Variants in SMTNL2 observed in about 807,000 individuals in gnomAD.
The protein encoded by SMTNL2 is smoothelin like 2, also known as smoothelin-like protein 2.
Under a neutral mutation model 44.1 loss-of-function variants are expected in SMTNL2, and 43 were observed. That is an observed-to-expected ratio of 0.98 (90% CI 0.76 to 1.26). The LOEUF (loss-of-function observed/expected upper bound fraction) is 1.26. SMTNL2 is among the 50% of genes most tolerant of loss of function. SMTNL2 has a pLI of 0.00. For missense variants in SMTNL2, 646 were observed against 670.2 expected (o/e 0.96, Z 0.40); for synonymous variants, 317 against 287.6 (o/e 1.10, Z -1.03).
At chr17:4,594,041 A>C in intron 4 of SMTNL2, 144 bp downstream of exon 4, 1 of 769,208 alleles carries the variant, frequency 1.3e-6, no homozygotes, top group Non-Finnish European at 2.1e-6. Context: ...GGGCGGCAGG[A>C]TGGGGGGAAG....
Position 4,596,976 on chromosome 17 carries a change from A to T in SMTNL2, c.1106A>T (p.Gln369Leu). The change falls in exon 6 of 8, where the codon CAG becomes CTG. Residue 369 changes from glutamine to leucine, a missense_variant and splice_region_variant. Gln to Leu is a moderately radical substitution (Grantham distance 113). Transcript: ENST00000389313. ...TGCCGCAGCAAGACGCTGGGCTACC[A>T]GGTGAGCCCCGGCTCCCCTCCGGCT... ...EWCRSKTLGYQHVDLQNFSSS... is the reference protein window; with the variant it reads ...EWCRSKTLGYLHVDLQNFSSS... 2 of 1,503,926 alleles carry T rather than the reference A, an allele frequency of 1.3e-6. No individual in the cohort carries two copies. Among genetic ancestry groups the T allele is most frequent in the Middle Eastern group, 1.9e-4 (1 of 5,280 alleles). The allele number at this position is 1,503,926 out of a possible 1,614,324, so 93.2% of individuals were successfully genotyped here.
At chr17:4,601,731 G>C (rs12452630) in intron 7 of SMTNL2, among the ~76,000 whole-genome samples, 26,245 of 151,358 alleles carry the variant, frequency 0.17, 3,187 homozygotes, top group East Asian at 0.6. Flanking sequence ...TGTTGGCCAG[G>C]CTGGTCTCAA....
rs1362911595 is a variant in SMTNL2, at chr17:4,598,120, G to C, written c.1259+797G>C. ...TGTGGCGGATCTCAGCCCGTGGCCT[G>C]GGTGCGGAGGACTGTCTGATAAGAG... On this transcript the variant is annotated intron_variant, in intron 7 of 7. Transcript: ENST00000389313. The surrounding 1 kb of genome is among the most constrained non-coding windows in gnomAD (Gnocchi z 4.8). 6.6e-6 allele frequency among the ~76,000 whole-genome samples: 1 copy of C among 152,264 alleles called. No homozygotes were observed.
chr17:4,596,896 G>A lies in SMTNL2; in HGVS notation c.1026G>A (p.Ser342=), dbSNP rs35628085. Residue 342 remains serine, a synonymous_variant, in exon 6 of 8, where the codon TCG becomes TCA. Coordinates refer to ENST00000389313, the MANE Select transcript of SMTNL2 (RefSeq NM_001114974.2). ...KGEARARLKR[S]QSFGVASASS... is the part of the protein sequence containing the mutation. ...AGGCCCGGGCCAGGCTGAAGCGGTC[G>A]CAGAGCTTCGGCGTGGCCAGCGCCA... 3.1e-4 allele frequency: 468 copies of A among 1,515,958 alleles called. 2 individuals carry two copies. The highest frequency in any genetic ancestry group is 3.1e-3 in the African/African-American group (222 of 72,380). The allele number at this position is 1,515,958 out of a possible 1,614,324, so 93.9% of individuals were successfully genotyped here.
Position 4,600,892 on chromosome 17 carries a change from G to A in SMTNL2, c.1259+3569G>A, listed in dbSNP as rs1199378352. The stretch of plus-strand genomic sequence containing the variant: ...CTATTTGTAGTGCCCATGTGTCTCT[G>A]TCTAAAACCAGATAGGAGGCAGTAG... On this transcript the variant is annotated intron_variant, in intron 7 of 7. Transcript: ENST00000389313. This position sits in a 1 kb window ranked among gnomAD's most constrained non-coding sequence, Gnocchi z 4.7. Among the ~76,000 whole-genome samples the A allele has an allele frequency of 6.6e-6, 1 of 152,180 alleles. No individual in the cohort carries two copies. Among genetic ancestry groups the A allele is most frequent in the Non-Finnish European group, 1.5e-5 (1 of 68,034 alleles).
intron 1 of SMTNL2, among the ~76,000 whole-genome samples, chr17:4,591,941 C>T (rs1909589314): frequency 6.6e-6 from 1 of 152,250 alleles, no homozygotes; most frequent in African/African-American, 2.4e-5. Context: ...CCCAGAAGGA[C>T]CTGGTGCCAC....
chr17:4,589,731 C>G (rs550109162), intron 1 of SMTNL2, among the ~76,000 whole-genome samples: 3 of 152,168 alleles, frequency 2.0e-5, no homozygotes, highest in East Asian at 1.9e-4. Context: ...ACCCTTTCCC[C>G]TGGCTTCGCT....
chr17:4,607,481 CGAGTAAAGCCCCT>C lies in SMTNL2; in HGVS notation c.1384_*10del. ...CGCTGTACAACCACCTGCGTCGCTTCGAGTAAAGCCCCTGAGCCTGGATTGCCAAAGAGCAGCC... is the reference window on the plus strand; with the variant it reads ...CGCTGTACAACCACCTGCGTCGCTTCGAGCCTGGATTGCCAAAGAGCAGCC... On this transcript the variant is annotated stop_lost and 3_prime_UTR_variant, in exon 8 of 8. Transcript: ENST00000389313. The surrounding 1 kb of genome is among the most constrained non-coding windows in gnomAD (Gnocchi z 4.7). The C allele has an allele frequency of 1.2e-6, 2 of 1,614,058 alleles. No homozygotes were observed. Among genetic ancestry groups the C allele is most frequent in the Non-Finnish European group, 1.7e-6 (2 of 1,179,942 alleles).
chr17:4,603,641 C>A (rs1427162749), intron 7 of SMTNL2, among the ~76,000 whole-genome samples: 2 of 151,988 alleles, frequency 1.3e-5, no homozygotes, highest in Non-Finnish European at 1.5e-5. Flanking sequence ...CATGTGGCAC[C>A]ACTGAGGCCA....
At chr17:4,586,146 T>C (rs1466941200) in intron 1 of SMTNL2, among the ~76,000 whole-genome samples, 4 of 152,172 alleles carry the variant, frequency 2.6e-5, no homozygotes, top group African/African-American at 9.7e-5. Flanking sequence ...CCTCGAGGTA[T>C]GCGAGTGGAG....
intron 7 of SMTNL2, among the ~76,000 whole-genome samples, chr17:4,603,683 T>C (rs1910135628): frequency 6.6e-6 from 1 of 152,206 alleles, no homozygotes; most frequent in South Asian, 2.1e-4. Context: ...AGAGCATGTG[T>C]GGAGCCTGTT....
chr17:4,607,322 G>A lies in SMTNL2; in HGVS notation c.1260-39G>A, dbSNP rs1750956559. On this transcript the variant is annotated intron_variant, in intron 7 of 7. Coordinates refer to ENST00000389313, the MANE Select transcript of SMTNL2 (RefSeq NM_001114974.2). This position sits in a 1 kb window ranked among gnomAD's most constrained non-coding sequence, Gnocchi z 4.7. The stretch of plus-strand genomic sequence containing the variant: ...TGTCGCGGCTGTGGGGCTGGCTGAT[G>A]GCTGGGACCACCGTTCTGACGGGGC... 1 of 1,611,006 alleles carries A rather than the reference G, an allele frequency of 6.2e-7. No individual in the cohort carries two copies. Among genetic ancestry groups the A allele is most frequent in the Non-Finnish European group, 8.5e-7 (1 of 1,177,802 alleles).
intron 1 of SMTNL2, among the ~76,000 whole-genome samples, chr17:4,590,625 G>C (rs1219632264): frequency 6.6e-6 from 1 of 152,114 alleles, no homozygotes; most frequent in Non-Finnish European, 1.5e-5. Context: ...CACCAAGTCT[G>C]GGCTTGGGAG....
At position 4,597,281 on chromosome 17, in the gene SMTNL2, C is replaced by G; in HGVS notation, c.1217C>G (p.Thr406Arg). The change falls in exon 7 of 8, where the codon ACG becomes AGG. Residue 406 changes from threonine to arginine, a missense_variant. Transcript: ENST00000389313. Reference sequence around the variant, plus strand: ...TTTGACTACAACTCCCTGAGCCCCACGCAGAGGCAGAAGAACTTCGAGCTG... The same window carrying G: ...TTTGACTACAACTCCCTGAGCCCCAGGCAGAGGCAGAAGAACTTCGAGCTG... ...DAFDYNSLSP[T>R]QRQKNFELAF... 1 of 1,614,162 alleles carries G rather than the reference C, an allele frequency of 6.2e-7. No individual in the cohort carries two copies. Among genetic ancestry groups the G allele is most frequent in the Non-Finnish European group, 8.5e-7 (1 of 1,179,990 alleles).
In SMTNL2 at chr17:4,584,807, C is replaced by CAGCGGCTGCAGGCGCAGCTCG; in HGVS notation, c.207_227dup (p.Gln71_Leu77dup). On this transcript the variant is annotated inframe_insertion, in exon 1 of 8. Coordinates refer to ENST00000389313, the MANE Select transcript of SMTNL2 (RefSeq NM_001114974.2). ...GGTGGCCGACCTGCAGCGGGACAACCAGCGGCTGCAGGCGCAGCTCGAGCG... is the reference window on the plus strand; with the variant it reads ...GGTGGCCGACCTGCAGCGGGACAACCAGCGGCTGCAGGCGCAGCTCGAGCGGCTGCAGGCGCAGCTCGAGCG... 7.5e-7 allele frequency: 1 copy of CAGCGGCTGCAGGCGCAGCTCG among 1,325,914 alleles called. No homozygotes were observed. Among genetic ancestry groups the CAGCGGCTGCAGGCGCAGCTCG allele is most frequent in the Admixed American group, 3.8e-5 (1 of 26,224 alleles). 82.1% of individuals were successfully genotyped at this position (1,325,914 alleles called of 1,614,324 possible). A position where few individuals can be genotyped will look rare whatever the true frequency, so the allele number is the denominator to read the frequency against.
Position 4,584,820 on chromosome 17 carries a change from C to G in SMTNL2, c.215C>G (p.Ala72Gly). The G allele has an allele frequency of 7.5e-7, 1 of 1,327,096 alleles. No individual in the cohort carries two copies. The highest frequency in any genetic ancestry group is 1.9e-5 in the South Asian group (1 of 53,132). 82.2% of individuals were successfully genotyped at this position (1,327,096 alleles called of 1,614,324 possible). ...DLQRDNQRLQAQLERLTRQVE... is the reference protein window; with the variant it reads ...DLQRDNQRLQGQLERLTRQVE... Reference sequence around the variant, plus strand: ...CAGCGGGACAACCAGCGGCTGCAGGCGCAGCTCGAGCGCCTGACGCGCCAG... The same window carrying G: ...CAGCGGGACAACCAGCGGCTGCAGGGGCAGCTCGAGCGCCTGACGCGCCAG... The change falls in exon 1 of 8, where the codon GCG becomes GGG. Residue 72 changes from alanine to glycine, a missense_variant. By Grantham distance (60) the Ala-to-Gly change is moderately conservative. Transcript: ENST00000389313.
chr17:4,604,076 C>T (rs1910161737), intron 7 of SMTNL2, among the ~76,000 whole-genome samples: 1 of 152,186 alleles, frequency 6.6e-6, no homozygotes, highest in Non-Finnish European at 1.5e-5. Flanking sequence ...AACTCCTGAC[C>T]TCAAATGATC....
chr17:4,600,223 G>T lies in SMTNL2; in HGVS notation c.1259+2900G>T, dbSNP rs1030137321. On this transcript the variant is annotated intron_variant, in intron 7 of 7. Coordinates refer to ENST00000389313, the MANE Select transcript of SMTNL2 (RefSeq NM_001114974.2). The surrounding 1 kb of genome is among the most constrained non-coding windows in gnomAD (Gnocchi z 4.7). The stretch of plus-strand genomic sequence containing the variant: ...TTGTTGGACAATAGGCTGGTTAGAA[G>T]AGCTGGCAGGAAAGCGCAGGGACAC... 6.6e-6 allele frequency among the ~76,000 whole-genome samples: 1 copy of T among 152,224 alleles called. No individual in the cohort carries two copies. Among genetic ancestry groups the T allele is most frequent in the Non-Finnish European group, 1.5e-5 (1 of 68,034 alleles).
chr17:4,592,901 AC>A lies in SMTNL2; in HGVS notation c.488-25del, dbSNP rs35085337. 4 of 1,591,914 alleles carry A rather than the reference AC, an allele frequency of 2.5e-6. No individual in the cohort carries two copies. The highest frequency in any genetic ancestry group is 3.4e-6 in the Non-Finnish European group (4 of 1,165,140). ...GCCCCTGTGGCTGCCACAGCTGACCACCCACCCATGCTGGTCACATGTTCCA... is the reference window on the plus strand; with the variant it reads ...GCCCCTGTGGCTGCCACAGCTGACCACCACCCATGCTGGTCACATGTTCCA... On this transcript the variant is annotated intron_variant, in intron 2 of 7. Coordinates refer to ENST00000389313, the MANE Select transcript of SMTNL2 (RefSeq NM_001114974.2). This position sits in a 1 kb window ranked among gnomAD's most constrained non-coding sequence, Gnocchi z 4.5.
Sources: allele counts gnomAD v4.1 joint callset (sites outside exome capture counted in the v4.1 genomes callset), GRCh38; gene constraint gnomAD v4.1.1; non-coding constraint Gnocchi (gnomAD v3.1); transcripts MANE v1.5; gene names NCBI Gene and HGNC (gene_info 2026-07-23, HGNC 2026-07-21).